PRDM5: variants seen among roughly 807,000 people sequenced by gnomAD.
The protein encoded by PRDM5 is PR domain zinc finger protein 5.
A neutral mutation model predicts 81.2 loss-of-function variants in PRDM5; 56 were observed. The ratio of observed to expected loss-of-function variants is 0.69; its 90% CI spans 0.56 to 0.86. The LOEUF is 0.86. Among genes scored for constraint, PRDM5 ranks in the 40% least tolerant of loss-of-function variants. The pLI is 0.00. For missense variants in PRDM5, 697 were observed against 770.1 expected (o/e 0.91, Z 1.12); for synonymous variants, 267 against 256.4 (o/e 1.04, Z -0.39).
At chr4:120,714,706 A>G (rs1405653685) in intron 14 of PRDM5, among the ~76,000 whole-genome samples, 1 of 152,136 alleles carries the variant, frequency 6.6e-6, no homozygotes. Flanking sequence ...GGGATTTGAA[A>G]TAGTGAGGAC....
rs1561680158 is a variant in PRDM5 at position 120,905,374 on chromosome 4, G to A, written c.177+2100C>T. ...GTACCCAATTATTTAATCAAACGCTGATATAGCAGTAAAGGTATTTTGTAG... is the reference window on the plus strand; with the variant it reads ...GTACCCAATTATTTAATCAAACGCTAATATAGCAGTAAAGGTATTTTGTAG... On this transcript the variant is annotated intron_variant, in intron 2 of 15. Coordinates refer to ENST00000264808, the MANE Select transcript of PRDM5 (RefSeq NM_018699.4). 2.6e-5 allele frequency among the ~76,000 whole-genome samples: 4 copies of A among 152,104 alleles called. No individual in the cohort carries two copies. In the South Asian group the frequency reaches 8.3e-4, roughly 32 times the overall value.
intron 14 of PRDM5, among the ~76,000 whole-genome samples, chr4:120,725,017 A>G (rs1471646828): frequency 6.6e-6 from 1 of 152,252 alleles, no homozygotes; most frequent in Non-Finnish European, 1.5e-5. Flanking sequence ...AGGATTCTAT[A>G]GTTGTCCTGG....
chr4:120,877,964 T>C (rs1762483871), intron 2 of PRDM5, among the ~76,000 whole-genome samples: 1 of 152,170 alleles, frequency 6.6e-6, no homozygotes, highest in South Asian at 2.1e-4. Flanking sequence ...TTTTGGATTA[T>C]TAACAAAAAA....
At chr4:120,814,747 C>T (rs1166779527) in intron 7 of PRDM5, among the ~76,000 whole-genome samples, 1 of 152,128 alleles carries the variant, frequency 6.6e-6, no homozygotes, top group South Asian at 2.1e-4. Context: ...GCCTGTGCAG[C>T]CCATGGAGGA....
chr4:120,687,737 G>A (rs958923921), downstream of PRDM5, among the ~76,000 whole-genome samples: 10 of 152,048 alleles, frequency 6.6e-5, no homozygotes, highest in African/African-American at 1.9e-4. Flanking sequence ...GGTCATGAGC[G>A]CTCTGCCCTT....
chr4:120,717,549 A>G (rs1355896720), intron 14 of PRDM5, among the ~76,000 whole-genome samples: 1 of 152,260 alleles, frequency 6.6e-6, no homozygotes, highest in Non-Finnish European at 1.5e-5. Flanking sequence ...AGGGTTCTAC[A>G]GAAACAAAGT....
At chr4:120,799,795 T>C (rs1213494538) in intron 8 of PRDM5, 50 bp from the exon 9 acceptor site, 2 of 1,592,566 alleles carry the variant, frequency 1.3e-6, no homozygotes, top group Admixed American at 3.4e-5. Flanking sequence ...GCCTAGTAAA[T>C]TACACAGCTC....
At chr4:120,868,802 G>A (rs570617953) in intron 2 of PRDM5, among the ~76,000 whole-genome samples, 1 of 152,194 alleles carries the variant, frequency 6.6e-6, no homozygotes, top group South Asian at 2.1e-4. Flanking sequence ...TTTGTTTATG[G>A]AGAACTAATT....
At chr4:120,706,400 T>C (rs1003656591) in intron 15 of PRDM5, among the ~76,000 whole-genome samples, 7 of 152,084 alleles carry the variant, frequency 4.6e-5, no homozygotes, top group Non-Finnish European at 8.8e-5. Flanking sequence ...GTGTCCAACA[T>C]GAGGCTCAGA....
At chr4:120,696,130 A>T (rs11729301) in intron 15 of PRDM5, among the ~76,000 whole-genome samples, 2 of 151,894 alleles carry the variant, frequency 1.3e-5, no homozygotes, top group Admixed American at 1.3e-4. Context: ...TAAGAAACTC[A>T]GAAAGGCTCA....
intron 15 of PRDM5, among the ~76,000 whole-genome samples, chr4:120,697,668 CT>C (rs1734694620): frequency 7.0e-5 from 3 of 42,872 alleles, no homozygotes; most frequent in African/African-American, 1.6e-4. Flanking sequence ...GCCCAGCTAA[CT>C]ATTTTTTTTT....
intron 14 of PRDM5, among the ~76,000 whole-genome samples, chr4:120,744,622 A>G (rs1742687906): frequency 6.6e-6 from 1 of 152,218 alleles, no homozygotes; most frequent in Admixed American, 6.5e-5. Flanking sequence ...CCACAGAAAT[A>G]CAAACTACCA....
chr4:120,706,924 T>C (rs1343930534), intron 15 of PRDM5, among the ~76,000 whole-genome samples: 2 of 151,486 alleles, frequency 1.3e-5, no homozygotes, highest in East Asian at 1.9e-4. Context: ...TTGAATCAAA[T>C]AAAAAGCATA....
chr4:120,869,055 A>C lies in PRDM5; in HGVS notation c.178-15515T>G, dbSNP rs75167560. On this transcript the variant is annotated intron_variant, in intron 2 of 15. Coordinates refer to ENST00000264808, the MANE Select transcript of PRDM5 (RefSeq NM_018699.4). ...CTTAAATGCAGACAAAAGAATATAC[A>C]TATATATGTTTCCATCGATCTCTAT... 5.1e-3 allele frequency among the ~76,000 whole-genome samples: 779 copies of C among 152,318 alleles called. 6 individuals are homozygous for C. The highest frequency in any genetic ancestry group is 0.017 in the African/African-American group (710 of 41,576).
At chr4:120,881,600 T>C (rs952458348) in intron 2 of PRDM5, among the ~76,000 whole-genome samples, 2 of 152,198 alleles carry the variant, frequency 1.3e-5, no homozygotes, top group African/African-American at 4.8e-5. Flanking sequence ...ATGAGAAAAC[T>C]AACCATATAA....
In PRDM5 at chr4:120,914,878, T is replaced by C. The variant is rs538610497; in HGVS notation, c.94-7321A>G. ...CGGCTTGGATCTAGCTGGAGGCCAT[T>C]ATTCTAAGTGAAGTAACTCAGGAAT... is the stretch of plus-strand genomic sequence containing the variant. On this transcript the variant is annotated intron_variant, in intron 1 of 15. Coordinates refer to ENST00000264808, the MANE Select transcript of PRDM5 (RefSeq NM_018699.4). Among the ~76,000 whole-genome samples the C allele has an allele frequency of 4.6e-5, 7 of 152,352 alleles. No individual in the cohort carries two copies. In the South Asian group the frequency reaches 1.4e-3, roughly 32 times the overall value.
At chr4:120,921,642 T>G (rs1218664914) in intron 1 of PRDM5, among the ~76,000 whole-genome samples, 1 of 152,170 alleles carries the variant, frequency 6.6e-6, no homozygotes, top group Non-Finnish European at 1.5e-5. Flanking sequence ...AAATATCTAC[T>G]AAGAAAAGGG....
intron 15 of PRDM5, among the ~76,000 whole-genome samples, chr4:120,701,482 T>C (rs1321572201): frequency 6.6e-6 from 1 of 152,172 alleles, no homozygotes; most frequent in Non-Finnish European, 1.5e-5. Context: ...ATATACACCA[T>C]GGAATACTAT....
At chr4:120,877,471 T>A (rs1227078785) in intron 2 of PRDM5, among the ~76,000 whole-genome samples, 10 of 152,226 alleles carry the variant, frequency 6.6e-5, no homozygotes, top group Admixed American at 6.5e-4. Context: ...ATTCCTGGAC[T>A]CAATTTTTAA....
Sources: allele counts gnomAD v4.1 joint callset (sites outside exome capture counted in the v4.1 genomes callset), GRCh38; gene constraint gnomAD v4.1.1; transcripts MANE v1.5; gene names NCBI Gene and HGNC (gene_info 2026-07-23, HGNC 2026-07-21).